ANKRD22: variants seen among roughly 807,000 people sequenced by gnomAD.
ANKRD22 encodes the protein ankyrin repeat domain 22, also known as ankyrin repeat domain-containing protein 22.
Under a neutral mutation model 25.7 loss-of-function variants are expected in ANKRD22, and 24 were observed. That is an observed-to-expected ratio of 0.93 (90% confidence interval 0.68 to 1.31). The LOEUF (loss-of-function observed/expected upper bound fraction) is 1.31, where lower values mean the gene tolerates loss of function less well. ANKRD22 is among the 50% of genes most tolerant of loss of function. The pLI, the probability that ANKRD22 is intolerant of heterozygous loss-of-function variation, is 0.00. For synonymous variants in ANKRD22, 84 were observed against 84.3 expected (o/e 1.00, Z 0.02); for missense variants, 214 against 227.1 (o/e 0.94, Z 0.37).
Position 88,820,998 on chromosome 10 carries a change from G to A in ANKRD22, c.*1943C>T, listed in dbSNP as rs79343402. Among the ~76,000 whole-genome samples the A allele has an allele frequency of 2.0e-5, 3 of 152,204 alleles. No homozygotes were observed. Among genetic ancestry groups the A allele is most frequent in the East Asian group, 3.8e-4 (2 of 5,204 alleles). ...CAACAACAACAAAATCAGTGTTACA[G>A]TATGGATGAAATCTATGTTAAGCAT... On this transcript the variant is annotated 3_prime_UTR_variant, in exon 6 of 6. Coordinates refer to ENST00000371930, the MANE Select transcript of ANKRD22 (RefSeq NM_144590.3).
chr10:88,832,600 G>C (rs1294082509), intron 1 of ANKRD22, among the ~76,000 whole-genome samples: 1 of 151,390 alleles, frequency 6.6e-6, no homozygotes, highest in Non-Finnish European at 1.5e-5. Flanking sequence ...AGGAGTTTAG[G>C]GCAGTACTAG....
chr10:88,835,644 T>C (rs763703679), intron 1 of ANKRD22, among the ~76,000 whole-genome samples: 2 of 152,210 alleles, frequency 1.3e-5, no homozygotes, highest in African/African-American at 2.4e-5. Context: ...GATAAAATGG[T>C]ACACCTGTAT....
intron 1 of ANKRD22, among the ~76,000 whole-genome samples, chr10:88,846,899 C>T (rs893881617): frequency 3.3e-5 from 5 of 152,108 alleles, no homozygotes; most frequent in African/African-American, 7.2e-5. Context: ...GCAAACTCAT[C>T]AATAAATTTC....
chr10:88,823,979 T>C (rs1389430728), intron 4 of ANKRD22, among the ~76,000 whole-genome samples: 1 of 152,238 alleles, frequency 6.6e-6, no homozygotes, highest in East Asian at 1.9e-4. Flanking sequence ...AAAGTTTCTT[T>C]GTCGCATGCT....
At position 88,820,461 on chromosome 10, in the gene ANKRD22, A is replaced by G; in HGVS notation, c.*2480T>C. On this transcript the variant is annotated 3_prime_UTR_variant, in exon 6 of 6. Transcript: ENST00000371930. Reference sequence around the variant, plus strand: ...ATCATCCATCTGATGCAGCAGGAGGAGACCAACCTTTCCCAGGGACGGTGT... The same window carrying G: ...ATCATCCATCTGATGCAGCAGGAGGGGACCAACCTTTCCCAGGGACGGTGT... 1 of 1,551,806 alleles carries G rather than the reference A, an allele frequency of 6.4e-7. No individual in the cohort carries two copies.
intron 2 of ANKRD22, among the ~76,000 whole-genome samples, chr10:88,831,261 C>T (rs964546265): frequency 3.9e-5 from 6 of 152,202 alleles, no homozygotes; most frequent in South Asian, 2.1e-4. Context: ...TTTCTTGGTC[C>T]TGAAGGCTCC....
At chr10:88,842,358 A>G (rs573447101) in intron 1 of ANKRD22, among the ~76,000 whole-genome samples, 2 of 152,238 alleles carry the variant, frequency 1.3e-5, no homozygotes, top group South Asian at 2.1e-4. Flanking sequence ...CATAACTAGA[A>G]TTTATACTCT....
At chr10:88,837,686 CA>C (rs1309049211) in intron 1 of ANKRD22, among the ~76,000 whole-genome samples, 3 of 152,190 alleles carry the variant, frequency 2.0e-5, no homozygotes, top group African/African-American at 7.2e-5. Context: ...ACCCAAATCT[CA>C]TCTTGAATTG....
rs1378560332 is a variant in ANKRD22, at chr10:88,821,194, A to G, written c.*1747T>C. The stretch of plus-strand genomic sequence containing the variant: ...AAGGTTTACAGCTTGTTGCTAGGAG[A>G]CCTAATGACTAAAAATTTCTGGCTC... On this transcript the variant is annotated 3_prime_UTR_variant, in exon 6 of 6. Transcript: ENST00000371930. Among the ~76,000 whole-genome samples, 4 of 152,194 alleles carry G rather than the reference A, an allele frequency of 2.6e-5. No individual in the cohort carries two copies. The highest frequency in any genetic ancestry group is 1.3e-4 in the Admixed American group (2 of 15,282).
chr10:88,845,018 G>A (rs1291922095), intron 1 of ANKRD22, among the ~76,000 whole-genome samples: 3 of 152,038 alleles, frequency 2.0e-5, no homozygotes, highest in Non-Finnish European at 2.9e-5. Context: ...TCTTAGACAA[G>A]GAGAACTTCT....
intron 1 of ANKRD22, among the ~76,000 whole-genome samples, chr10:88,850,853 T>C (rs1267171089): frequency 6.6e-6 from 1 of 152,066 alleles, no homozygotes; most frequent in Non-Finnish European, 1.5e-5. Context: ...AAGGTTCCCC[T>C]GAGCATCTGC....
At chr10:88,833,656 A>C (rs1843927213) in intron 1 of ANKRD22, among the ~76,000 whole-genome samples, 1 of 152,232 alleles carries the variant, frequency 6.6e-6, no homozygotes, top group Non-Finnish European at 1.5e-5. Flanking sequence ...TGAAAGAAAC[A>C]TCCTAACAGA....
At chr10:88,831,760 G>C (rs1843905209) in intron 2 of ANKRD22, 75 bp downstream of exon 2, 1 of 1,405,258 alleles carries the variant, frequency 7.1e-7, no homozygotes, top group Non-Finnish European at 9.5e-7. Context: ...AAAATGACAT[G>C]CACCACTTCT....
chr10:88,838,724 G>A (rs969349093), intron 1 of ANKRD22, among the ~76,000 whole-genome samples: 2 of 152,088 alleles, frequency 1.3e-5, no homozygotes, highest in East Asian at 3.9e-4. Flanking sequence ...AAGGGAGAAT[G>A]TAGAGAAAGG....
At chr10:88,829,359 A>G (rs10887861) in intron 2 of ANKRD22, among the ~76,000 whole-genome samples, 62,646 of 152,130 alleles carry the variant, frequency 0.41, 14,459 homozygotes, top group East Asian at 0.61. Flanking sequence ...CCACTTATGC[A>G]AGGCACTGTA....
chr10:88,834,488 G>A (rs1173487628), intron 1 of ANKRD22, among the ~76,000 whole-genome samples: 1 of 152,284 alleles, frequency 6.6e-6, no homozygotes, highest in South Asian at 2.1e-4. Flanking sequence ...TACTCATCAA[G>A]CATTTGGAAA....
rs900893035 is a variant in ANKRD22, at chr10:88,820,078, G to A, written c.*2863C>T. ...AGTAATTTTACCTTAAAGTAAGGGC[G>A]GGAACAGAAATTCTTAACAGAGTTG... On this transcript the variant is annotated 3_prime_UTR_variant, in exon 6 of 6. Coordinates refer to ENST00000371930, the MANE Select transcript of ANKRD22 (RefSeq NM_144590.3). Among the ~76,000 whole-genome samples, 22 of 152,266 alleles carry A rather than the reference G, an allele frequency of 1.4e-4. 1 individual carries two copies. The highest frequency in any genetic ancestry group is 3.6e-4 in the African/African-American group (15 of 41,544).
Position 88,821,200 on chromosome 10 carries a change from T to C in ANKRD22, c.*1741A>G, listed in dbSNP as rs906446992. 6.6e-6 allele frequency among the ~76,000 whole-genome samples: 1 copy of C among 152,236 alleles called. No individual in the cohort carries two copies. Among genetic ancestry groups the C allele is most frequent in the African/African-American group, 2.4e-5 (1 of 41,474 alleles). On this transcript the variant is annotated 3_prime_UTR_variant, in exon 6 of 6. Transcript: ENST00000371930. ...TACAGCTTGTTGCTAGGAGACCTAA[T>C]GACTAAAAATTTCTGGCTCAATTTT...
In ANKRD22 at chr10:88,826,073, G is replaced by A. The variant is rs1381651363; in HGVS notation, c.364C>T (p.Leu122Phe). ...GCATTAACTTCGACGCCAGCATCAA[G>A]TAGCATTCGTACAAGAGCCTCATTC... is the stretch of plus-strand genomic sequence containing the variant. ...KQNEALVRML[L>F]DAGVEVNATD... The change falls in exon 4 of 6, where the codon CTT (leucine) becomes TTT (phenylalanine). Residue 122 changes from leucine to phenylalanine, a missense_variant. Transcript: ENST00000371930. 6.2e-7 allele frequency: 1 copy of A among 1,612,882 alleles called. No individual in the cohort carries two copies. The highest frequency in any genetic ancestry group is 1.3e-5 in the African/African-American group (1 of 74,882).
Sources: allele counts gnomAD v4.1 joint callset (sites outside exome capture counted in the v4.1 genomes callset), GRCh38; gene constraint gnomAD v4.1.1; transcripts MANE v1.5; gene names NCBI Gene and HGNC (gene_info 2026-07-23, HGNC 2026-07-21).